CFAP57: variants seen among roughly 807,000 people sequenced by gnomAD.
CFAP57 encodes cilia and flagella associated protein 57.
A neutral mutation model predicts 146.8 loss-of-function variants in CFAP57; 116 were observed. The ratio of observed to expected loss-of-function variants is 0.79; its 90% CI spans 0.68 to 0.92. CFAP57 has a LOEUF of 0.92. Among genes scored for constraint, CFAP57 ranks in the 40% least tolerant of loss-of-function variants. CFAP57 has a pLI of 0.00. For synonymous variants in CFAP57, 518 were observed against 552.8 expected (o/e 0.94, Z 0.88); for missense variants, 1,377 against 1,527.2 (o/e 0.90, Z 1.64).
chr1:43,246,250 G>A (rs1053763254), intron 22 of CFAP57, among the ~76,000 whole-genome samples: 8 of 152,164 alleles, frequency 5.3e-5, no homozygotes, highest in Non-Finnish European at 1.0e-4. Flanking sequence ...AAGGTTGGAG[G>A]TCTCATACTT....
intron 7 of CFAP57, 148 bp from the exon 8 acceptor site, chr1:43,198,333 T>A (rs1643954721): frequency 1.1e-6 from 1 of 901,240 alleles, no homozygotes; most frequent in South Asian, 1.6e-5. Flanking sequence ...TATCCCCTAA[T>A]AACCAAGATC....
chr1:43,218,075 C>T (rs1644905230), intron 12 of CFAP57, among the ~76,000 whole-genome samples: 1 of 152,158 alleles, frequency 6.6e-6, no homozygotes, highest in Non-Finnish European at 1.5e-5. Context: ...GTCTGCTGGC[C>T]AGGAATGCAG....
intron 18 of CFAP57, among the ~76,000 whole-genome samples, chr1:43,227,431 A>G (rs1347812414): frequency 6.6e-6 from 1 of 152,196 alleles, no homozygotes; most frequent in African/African-American, 2.4e-5. Flanking sequence ...GCTATTGGGC[A>G]TTTGGCCACC....
chr1:43,223,953 C>A, intron 16 of CFAP57, 93 bp from the exon 17 acceptor site: 2 of 1,419,116 alleles, frequency 1.4e-6, no homozygotes, highest in Non-Finnish European at 1.9e-6. Context: ...AGAAGGTGGC[C>A]AGTGGTGGGG....
At chr1:43,206,965 T>G (rs11210812) in intron 10 of CFAP57, 33 bp downstream of exon 10, 915,357 of 1,604,938 alleles carry the variant, frequency 0.57, 267,625 homozygotes, top group East Asian at 0.74. Flanking sequence ...TCTGGGCTGG[T>G]GCACGGATCT....
At chr1:43,184,889 C>G in intron 4 of CFAP57, 1 of 440,728 alleles carries the variant, frequency 2.3e-6, no homozygotes, top group Non-Finnish European at 4.2e-6. Context: ...TGGTTTGGCC[C>G]AAGCATACCT....
intron 12 of CFAP57, among the ~76,000 whole-genome samples, chr1:43,218,235 A>G (rs1488104490): frequency 2.0e-5 from 3 of 152,180 alleles, no homozygotes; most frequent in Non-Finnish European, 4.4e-5. Flanking sequence ...ATCAACATTA[A>G]CTTTTTAAGG....
intron 2 of CFAP57, among the ~76,000 whole-genome samples, 172 bp from the exon 3 acceptor site, chr1:43,181,362 A>G (rs1008694002): frequency 6.6e-6 from 1 of 152,080 alleles, no homozygotes; most frequent in Non-Finnish European, 1.5e-5. Context: ...GTGAGCCACC[A>G]CACCTGGCCC....
In CFAP57 at chr1:43,219,391, ATGT is replaced by A; in HGVS notation, c.2104_2106del (p.Leu702del). ...TGTCCTTCTCCCAAAGGCTCAGGTT[ATGT>A]TGGAGCTAAAGACTCGTGTGGAGGA... On this transcript the variant is annotated inframe_deletion, in exon 13 of 23. Coordinates refer to ENST00000372492, the MANE Select transcript of CFAP57 (RefSeq NM_001378189.1). The A allele has an allele frequency of 4.5e-6, 7 of 1,550,238 alleles. No individual in the cohort carries two copies. The highest frequency in any genetic ancestry group is 6.1e-6 in the Non-Finnish European group (7 of 1,146,694).
At chr1:43,178,133 T>A (rs1015474370) in intron 2 of CFAP57, among the ~76,000 whole-genome samples, 2 of 152,140 alleles carry the variant, frequency 1.3e-5, no homozygotes, top group African/African-American at 2.4e-5. Context: ...ATACAAAAAT[T>A]AATTCAAGAT....
Position 43,186,078 on chromosome 1 carries a change from C to CA in CFAP57, c.970-615dup, listed in dbSNP as rs60209286. ...TGGGTGACAGAGCAAGACTCTGTCT[C>CA]AAAAAAAAAAAAAATTAGCCAGATG... On this transcript the variant is annotated intron_variant, in intron 5 of 22. Coordinates refer to ENST00000372492, the MANE Select transcript of CFAP57 (RefSeq NM_001378189.1). Among the ~76,000 whole-genome samples the CA allele has an allele frequency of 5.3e-3, 747 of 141,546 alleles. 3 individuals are homozygous for CA. Among genetic ancestry groups the CA allele is most frequent in the Admixed American group, 8.7e-3 (123 of 14,184 alleles). The allele number at this position is 141,546 out of a possible 152,430, so 92.9% of individuals were successfully genotyped here.
rs754657812 is a variant in CFAP57, at chr1:43,181,836, A to C, written c.460A>C (p.Asn154His). ...MAIVRIDTQN[N>H]PVYQVSFSPQ... ...CATTGTTAGAATCGACACTCAGAACAACCCTGTCTACCAGGTACCTAGTAG... is the reference window on the plus strand; with the variant it reads ...CATTGTTAGAATCGACACTCAGAACCACCCTGTCTACCAGGTACCTAGTAG... The change falls in exon 3 of 23, where the codon AAC (asparagine) becomes CAC (histidine). Residue 154 changes from asparagine to histidine, a missense_variant. Asn to His is a moderately conservative substitution (Grantham distance 68). Coordinates refer to ENST00000372492, the MANE Select transcript of CFAP57 (RefSeq NM_001378189.1). The C allele has an allele frequency of 3.1e-6, 5 of 1,614,256 alleles. No homozygotes were observed. The highest frequency in any genetic ancestry group is 3.4e-6 in the Non-Finnish European group (4 of 1,180,048).
At chr1:43,218,572 C>T (rs996164706) in intron 12 of CFAP57, among the ~76,000 whole-genome samples, 1 of 151,054 alleles carries the variant, frequency 6.6e-6, no homozygotes, top group African/African-American at 2.4e-5. Context: ...CACACCACCG[C>T]ACTCCAGCCT....
intron 17 of CFAP57, among the ~76,000 whole-genome samples, 156 bp downstream of exon 17, chr1:43,224,360 G>A (rs1645162724): frequency 6.6e-6 from 1 of 152,200 alleles, no homozygotes; most frequent in South Asian, 2.1e-4. Context: ...TGTGTGCTTG[G>A]CACTGGGCTA....
At chr1:43,239,173 C>G (rs80305126) in intron 21 of CFAP57, among the ~76,000 whole-genome samples, 1,762 of 152,156 alleles carry the variant, frequency 0.012, 27 homozygotes, top group African/African-American at 0.04. Flanking sequence ...ATGCCTGGCA[C>G]AGTGACCAGT....
At chr1:43,231,039 A>G (rs1044363958) in intron 18 of CFAP57, among the ~76,000 whole-genome samples, 1 of 152,206 alleles carries the variant, frequency 6.6e-6, no homozygotes, top group African/African-American at 2.4e-5. Context: ...CTCTTCCAGA[A>G]GCAGGGTGTT....
In CFAP57 at chr1:43,243,321, T is replaced by A; in HGVS notation, c.3500T>A (p.Leu1167Gln). ...TATGACCTTGAAGCAGCTCTGAAAC[T>A]GACCAAGAAAGTCCGACCACAAGAA... is the stretch of plus-strand genomic sequence containing the variant. ...QVYDLEAALK[L>Q]TKKVRPQEVS... Residue 1167 changes from leucine (L) to glutamine (Q), a missense_variant, in exon 22 of 23, where the codon CTG becomes CAG. By Grantham distance (113) the Leu-to-Gln change is moderately radical. Transcript: ENST00000372492. The A allele has an allele frequency of 6.5e-7, 1 of 1,541,072 alleles. No homozygotes were observed. The highest frequency in any genetic ancestry group is 8.8e-7 in the Non-Finnish European group (1 of 1,141,320).
chr1:43,241,686 T>C (rs1346680663), intron 21 of CFAP57, among the ~76,000 whole-genome samples: 1 of 152,178 alleles, frequency 6.6e-6, no homozygotes, highest in Non-Finnish European at 1.5e-5. Flanking sequence ...GAAAGTGTGG[T>C]CTGGCCTGCA....
intron 12 of CFAP57, among the ~76,000 whole-genome samples, chr1:43,217,572 C>T (rs1644881363): frequency 6.6e-6 from 1 of 152,114 alleles, no homozygotes; most frequent in Non-Finnish European, 1.5e-5. Context: ...AGCCTTCATC[C>T]ATGATCCTTA....
Sources: allele counts gnomAD v4.1 joint callset (sites outside exome capture counted in the v4.1 genomes callset), GRCh38; gene constraint gnomAD v4.1.1; transcripts MANE v1.5; gene names NCBI Gene and HGNC (gene_info 2026-07-23, HGNC 2026-07-21).